SGK1: variants seen among roughly 807,000 people sequenced by gnomAD.
SGK1 encodes the protein serum/glucocorticoid regulated kinase 1.
Under a neutral mutation model 64.2 loss-of-function variants are expected in SGK1, and 26 were observed. The ratio of observed to expected loss-of-function variants is 0.40; its 90% CI spans 0.30 to 0.56. SGK1 has a LOEUF of 0.56. Among genes scored for constraint, SGK1 ranks in the 20% least tolerant of loss-of-function variants. The pLI is 0.38. For missense variants in SGK1, 519 were observed against 645.6 expected, an observed-to-expected ratio of 0.80 and a Z score of 2.12; for synonymous variants, 265 against 239.7, an observed-to-expected ratio of 1.11 and a Z score of -0.98.
At chr6:134,203,796 G>T (rs1384572715) in intron 3 of SGK1, among the ~76,000 whole-genome samples, 1 of 152,198 alleles carries the variant, frequency 6.6e-6, no homozygotes, top group East Asian at 1.9e-4. Context: ...GGGCACGGTG[G>T]CTCATGCCTG....
At chr6:134,307,755 C>A (rs1296233866) in intron 1 of SGK1, among the ~76,000 whole-genome samples, 1 of 152,126 alleles carries the variant, frequency 6.6e-6, no homozygotes, top group East Asian at 1.9e-4. Flanking sequence ...AGATGTGGAA[C>A]CCGTGAATAC....
chr6:134,280,892 C>A (rs1777084057), intron 1 of SGK1, among the ~76,000 whole-genome samples: 1 of 152,110 alleles, frequency 6.6e-6, no homozygotes, highest in Admixed American at 6.5e-5. Context: ...CATGGTGAAA[C>A]CCCATCTCTA....
At chr6:134,212,052 GT>G (rs1775898872) in intron 2 of SGK1, among the ~76,000 whole-genome samples, 12 of 84,848 alleles carry the variant, frequency 1.4e-4, no homozygotes, top group African/African-American at 3.7e-4. Context: ...TTTGTTTTTT[GT>G]TTTTTGTTTT....
intron 3 of SGK1, among the ~76,000 whole-genome samples, chr6:134,185,951 AC>A (rs927888882): frequency 3.3e-5 from 5 of 151,900 alleles, no homozygotes; most frequent in African/African-American, 7.2e-5. Flanking sequence ...ATTGGACACT[AC>A]CCCCCACACC....
intron 2 of SGK1, among the ~76,000 whole-genome samples, chr6:134,217,084 G>A (rs917761298): frequency 1.2e-4 from 19 of 152,232 alleles, no homozygotes; most frequent in Non-Finnish European, 2.8e-4. Flanking sequence ...TACAGGAGCT[G>A]AGGGGATCAG....
intron 1 of SGK1, 88 bp downstream of exon 1, chr6:134,317,304 C>G (rs1216837170): frequency 2.3e-6 from 2 of 884,580 alleles, no homozygotes; most frequent in East Asian, 2.4e-5. Flanking sequence ...GGTTTAGCAA[C>G]AAAACCTCAG....
chr6:134,281,519 C>CTT (rs35370292), intron 1 of SGK1, among the ~76,000 whole-genome samples: 1,433 of 141,990 alleles, frequency 0.01, 34 homozygotes, highest in African/African-American at 0.034. Flanking sequence ...CCAATTTGTT[C>CTT]TTTTTTTTTT....
chr6:134,176,161 C>G (rs1196730845), intron 3 of SGK1, among the ~76,000 whole-genome samples: 1 of 152,150 alleles, frequency 6.6e-6, no homozygotes, highest in African/African-American at 2.4e-5. Flanking sequence ...ACCGGGCATC[C>G]TCGATTCCTC....
chr6:134,272,543 T>G (rs561614114), intron 1 of SGK1, among the ~76,000 whole-genome samples: 1 of 146,926 alleles, frequency 6.8e-6, no homozygotes, highest in South Asian at 2.2e-4. Context: ...TCTTGCAATA[T>G]CTCTAAAAGC....
intron 3 of SGK1, chr6:134,174,828 A>T: frequency 1.9e-6 from 3 of 1,613,808 alleles, no homozygotes; most frequent in Non-Finnish European, 2.5e-6. Flanking sequence ...GGGAGACAGA[A>T]AGACGTTAGC....
chr6:134,179,024 T>TG (rs1775292071), intron 3 of SGK1, among the ~76,000 whole-genome samples: 1 of 152,228 alleles, frequency 6.6e-6, no homozygotes, highest in Non-Finnish European at 1.5e-5. Context: ...TATAGTCTGA[T>TG]GGACTATAAA....
intron 2 of SGK1, among the ~76,000 whole-genome samples, chr6:134,210,599 G>A (rs1050851040): frequency 5.3e-5 from 8 of 152,044 alleles, no homozygotes; most frequent in African/African-American, 1.9e-4. Context: ...GCCGAGGCGG[G>A]TGGATCACGA....
chr6:134,191,803 G>A (rs1357042707), intron 3 of SGK1, among the ~76,000 whole-genome samples: 1 of 145,908 alleles, frequency 6.9e-6, no homozygotes, highest in Admixed American at 7.0e-5. Flanking sequence ...TGAGTAGCTG[G>A]GACTACAGGC....
intron 2 of SGK1, among the ~76,000 whole-genome samples, chr6:134,233,774 C>T (rs1007988287): frequency 2.0e-5 from 3 of 150,124 alleles, no homozygotes; most frequent in African/African-American, 7.3e-5. Flanking sequence ...TGATGCCAAA[C>T]TAAATTGGCA....
intron 2 of SGK1, among the ~76,000 whole-genome samples, chr6:134,220,574 G>A (rs972555197): frequency 1.3e-5 from 2 of 152,084 alleles, no homozygotes; most frequent in Admixed American, 6.6e-5. Context: ...TGTGCCCCTG[G>A]GATATTAGTT....
chr6:134,294,784 T>A (rs1359612722), intron 1 of SGK1, among the ~76,000 whole-genome samples: 6 of 152,124 alleles, frequency 3.9e-5, no homozygotes, highest in Non-Finnish European at 8.8e-5. Context: ...CCCCTTGGCC[T>A]CCCAAAGTGC....
At chr6:134,255,574 ATTT>A (rs11318242) in intron 2 of SGK1, among the ~76,000 whole-genome samples, 106 of 78,840 alleles carry the variant, frequency 1.3e-3, no homozygotes, top group African/African-American at 3.9e-3. Flanking sequence ...AGAGATTTTG[ATTT>A]TTTTTTTTTT....
chr6:134,203,401 GCAAA>G (rs1260109273), intron 3 of SGK1, among the ~76,000 whole-genome samples: 1 of 152,146 alleles, frequency 6.6e-6, no homozygotes, highest in African/African-American at 2.4e-5. Flanking sequence ...GGAAGAATAA[GCAAA>G]CAAAGAAGAG....
chr6:134,185,076 A>C (rs1045200315), intron 3 of SGK1, among the ~76,000 whole-genome samples: 1 of 152,236 alleles, frequency 6.6e-6, no homozygotes, highest in African/African-American at 2.4e-5. Context: ...AAATGCTTTC[A>C]TAATGGTTTG....
Sources: gnomAD v4.1 joint callset for allele counts (sites outside exome capture counted in the v4.1 genomes callset) on GRCh38, gnomAD v4.1.1 for gene constraint, MANE v1.5 for transcripts, NCBI Gene and HGNC (gene_info 2026-07-23, HGNC 2026-07-21) for gene names.